The following FHIT variants were observed in gnomAD, a reference collection of about 807,000 sequenced individuals.
FHIT encodes the protein bis(5'-adenosyl)-triphosphatase.
Under a neutral mutation model 17.9 loss-of-function variants are expected in FHIT, and 19 were observed. That is an observed-to-expected ratio of 1.06 (90% CI 0.74 to 1.56). FHIT has a LOEUF of 1.56. FHIT is among the 40% of genes most tolerant of loss of function. The pLI is 0.00. For missense variants in FHIT, 248 were observed against 189.2 expected (o/e 1.31, Z -1.82); for synonymous variants, 81 against 69.7 (o/e 1.16, Z -0.81).
At chr3:60,414,640 T>C (rs142075438) in intron 5 of FHIT, among the ~76,000 whole-genome samples, 44 of 152,272 alleles carry the variant, frequency 2.9e-4, no homozygotes, top group African/African-American at 9.9e-4. Context: ...ATTAACACAG[T>C]ATCTACCATC....
chr3:60,183,792 G>T (rs1332900785), intron 5 of FHIT, among the ~76,000 whole-genome samples: 1 of 152,122 alleles, frequency 6.6e-6, no homozygotes, highest in Non-Finnish European at 1.5e-5. Flanking sequence ...CTGTGGCCCA[G>T]ATCCTGATGA....
chr3:59,861,923 T>TG (rs1162361810), intron 8 of FHIT, among the ~76,000 whole-genome samples: 1 of 152,112 alleles, frequency 6.6e-6, no homozygotes, highest in Non-Finnish European at 1.5e-5. Flanking sequence ...AAAGTGTGTG[T>TG]TTTTTCCCCA....
intron 5 of FHIT, among the ~76,000 whole-genome samples, chr3:60,340,191 G>A (rs1193766517): frequency 6.6e-6 from 1 of 152,092 alleles, no homozygotes; most frequent in Non-Finnish European, 1.5e-5. Flanking sequence ...GCAGCCTTAA[G>A]TAATTGAAAA....
intron 2 of FHIT, among the ~76,000 whole-genome samples, chr3:61,143,332 T>G (rs11716189): frequency 0.27 from 40,692 of 152,122 alleles, 5,845 homozygotes; most frequent in East Asian, 0.45. Flanking sequence ...TATGTTTATA[T>G]GTATGTATAA....
chr3:60,905,543 G>A (rs782483164), intron 3 of FHIT, among the ~76,000 whole-genome samples: 3 of 152,106 alleles, frequency 2.0e-5, no homozygotes, highest in Non-Finnish European at 4.4e-5. Context: ...TCACTGTAGT[G>A]TTATTTCCAG....
intron 7 of FHIT, among the ~76,000 whole-genome samples, chr3:59,966,140 G>T (rs1056252961): frequency 2.6e-5 from 4 of 152,170 alleles, no homozygotes; most frequent in Non-Finnish European, 5.9e-5. Context: ...TTACAGCAGA[G>T]GTATTCTAAC....
At chr3:60,082,676 T>A (rs1464174131) in intron 5 of FHIT, among the ~76,000 whole-genome samples, 2 of 152,132 alleles carry the variant, frequency 1.3e-5, no homozygotes, top group African/African-American at 2.4e-5. Flanking sequence ...TTCTGAATGG[T>A]GTGAAATGGT....
chr3:60,842,867 A>G (rs1160737976), intron 3 of FHIT, among the ~76,000 whole-genome samples: 1 of 151,900 alleles, frequency 6.6e-6, no homozygotes, highest in East Asian at 1.9e-4. Flanking sequence ...CTGGGAAGAC[A>G]TGGTTCTTTA....
intron 5 of FHIT, among the ~76,000 whole-genome samples, chr3:60,182,411 C>T (rs566375945): frequency 2.6e-5 from 4 of 152,286 alleles, no homozygotes; most frequent in South Asian, 2.1e-4. Flanking sequence ...TGGCAGCAGA[C>T]GCTCTCCTTC....
intron 4 of FHIT, among the ~76,000 whole-genome samples, chr3:60,663,158 A>ATATATATATATATATATATATATATATC (rs1553691626): frequency 1.5e-5 from 2 of 134,004 alleles, no homozygotes; most frequent in South Asian, 2.5e-4. Context: ...GTGGAGATAT[A>ATATATATATATATATATATATATATATC]TATCTCTTTA....
intron 3 of FHIT, among the ~76,000 whole-genome samples, chr3:60,911,397 A>ACC (rs781811153): frequency 6.7e-6 from 1 of 149,404 alleles, no homozygotes; most frequent in South Asian, 2.1e-4. Context: ...ACACACACAC[A>ACC]CCCTTCCACC....
At chr3:60,224,286 C>T (rs1704090767) in intron 5 of FHIT, among the ~76,000 whole-genome samples, 1 of 152,122 alleles carries the variant, frequency 6.6e-6, no homozygotes, top group African/African-American at 2.4e-5. Context: ...TACCCACTAT[C>T]CCTCTTGTGA....
intron 3 of FHIT, among the ~76,000 whole-genome samples, chr3:61,041,811 G>T (rs2033531444): frequency 6.6e-6 from 1 of 151,970 alleles, no homozygotes; most frequent in Admixed American, 6.6e-5. Context: ...ATACCTTAAA[G>T]ATATAACAAA....
chr3:61,211,903 G>C (rs1473637116), intron 1 of FHIT, among the ~76,000 whole-genome samples: 2 of 152,180 alleles, frequency 1.3e-5, no homozygotes, highest in Non-Finnish European at 2.9e-5. Flanking sequence ...ACAGAGTCTG[G>C]AGTGGACCTC....
At chr3:60,726,676 G>A (rs1035827110) in intron 4 of FHIT, among the ~76,000 whole-genome samples, 16 of 152,126 alleles carry the variant, frequency 1.1e-4, no homozygotes, top group Non-Finnish European at 2.9e-5. Context: ...CATGTATTGA[G>A]TCTTACATTA....
At chr3:60,636,260 G>C (rs546969287) in intron 4 of FHIT, among the ~76,000 whole-genome samples, 1 of 152,132 alleles carries the variant, frequency 6.6e-6, no homozygotes, top group East Asian at 1.9e-4. Flanking sequence ...TAGTAGAGAT[G>C]GGGTTTCACC....
intron 2 of FHIT, among the ~76,000 whole-genome samples, chr3:61,133,339 A>G (rs1416558008): frequency 6.6e-6 from 1 of 152,214 alleles, no homozygotes; most frequent in African/African-American, 2.4e-5. Flanking sequence ...TTTAGTAGGA[A>G]CTCAAAAACT....
At chr3:59,950,729 T>C (rs777682714) in intron 7 of FHIT, among the ~76,000 whole-genome samples, 16 of 152,206 alleles carry the variant, frequency 1.1e-4, no homozygotes, top group African/African-American at 1.4e-4. Context: ...TTATGTTCTC[T>C]GGGACAAAGC....
At chr3:60,246,067 T>A (rs911252203) in intron 5 of FHIT, among the ~76,000 whole-genome samples, 1 of 152,144 alleles carries the variant, frequency 6.6e-6, no homozygotes, top group African/African-American at 2.4e-5. Context: ...CTTATTTTTA[T>A]ATTGTTTACC....
Sources: gnomAD v4.1 joint callset for allele counts (sites outside exome capture counted in the v4.1 genomes callset) on GRCh38, gnomAD v4.1.1 for gene constraint, MANE v1.5 for transcripts, NCBI Gene and HGNC (gene_info 2026-07-23, HGNC 2026-07-21) for gene names.